Variants in TENM1 observed in about 807,000 individuals in gnomAD.
TENM1 encodes the protein teneurin-1.
Under a neutral mutation model 174.8 loss-of-function variants are expected in TENM1, and 35 were observed. The observed-to-expected ratio is 0.20, with a 90% CI of 0.15 to 0.27. The LOEUF (loss-of-function observed/expected upper bound fraction) is 0.27. Among genes scored for constraint, TENM1 ranks in the 10% least tolerant of loss-of-function variants. The pLI is 1.00. For missense variants in TENM1, 1,633 were observed against 2,130.1 expected (o/e 0.77, Z 4.59); for synonymous variants, 781 against 798.7 (o/e 0.98, Z 0.37).
At chrX:124,751,651 C>T (rs1403818958) in intron 3 of TENM1, among the ~76,000 whole-genome samples, 1 of 75,908 alleles carries the variant, frequency 1.3e-5, no homozygotes, top group East Asian at 5.4e-4. Context: ...CTCCCCCCAC[C>T]CCACAACAGT....
At chrX:124,736,415 A>G (rs1307093920) in intron 4 of TENM1, among the ~76,000 whole-genome samples, 2 of 111,458 alleles carry the variant, frequency 1.8e-5, no homozygotes, top group African/African-American at 6.5e-5. Context: ...TCAAAAGACC[A>G]AAAGCTTCAC....
chrX:125,138,147 C>A, the TENM1 span, among the ~76,000 whole-genome samples: 1 of 111,441 alleles, frequency 9.0e-6, no homozygotes, highest in Non-Finnish European at 1.9e-5. Flanking sequence ...TTAATAAACA[C>A]CTCCAGGACA....
chrX:124,948,292 CT>C (rs1349941408), intron 1 of TENM1, among the ~76,000 whole-genome samples: 1 of 111,624 alleles, frequency 9.0e-6, no homozygotes, highest in Non-Finnish European at 1.9e-5. Context: ...TTCACTAAAA[CT>C]CCATTTATGG....
intron 20 of TENM1, among the ~76,000 whole-genome samples, chrX:124,492,149 A>G (rs1305084469): frequency 2.7e-5 from 3 of 112,015 alleles, no homozygotes; most frequent in African/African-American, 9.7e-5. Context: ...TCTGTTGACA[A>G]TATTGCTTCT....
At chrX:124,809,738 A>T (rs758676349) in intron 3 of TENM1, among the ~76,000 whole-genome samples, 1 of 108,457 alleles carries the variant, frequency 9.2e-6, no homozygotes, top group Non-Finnish European at 1.9e-5. Flanking sequence ...AAAGAGGCTT[A>T]GAGGCTTAAT....
the TENM1 span, among the ~76,000 whole-genome samples, chrX:125,148,295 T>C: frequency 7.2e-5 from 8 of 110,967 alleles, no homozygotes; most frequent in African/African-American, 2.6e-4. Flanking sequence ...TCTCCCTTTC[T>C]TAATTTATCT....
the TENM1 span, among the ~76,000 whole-genome samples, chrX:124,993,163 G>A: frequency 2.7e-5 from 3 of 110,919 alleles, no homozygotes; most frequent in Admixed American, 9.6e-5. Context: ...AATAAATCAT[G>A]GAAATGTCAA....
chrX:124,747,181 A>T, intron 3 of TENM1, among the ~76,000 whole-genome samples: 1 of 104,700 alleles, frequency 9.6e-6, no homozygotes, highest in South Asian at 4.1e-4. Flanking sequence ...ATAAATAAAT[A>T]AAATTAAAAA....
At chrX:124,438,601 T>G (rs2147799347) in intron 23 of TENM1, among the ~76,000 whole-genome samples, 1 of 112,219 alleles carries the variant, frequency 8.9e-6, no homozygotes, top group Admixed American at 9.5e-5. Context: ...GAGGGAGTTT[T>G]ATTTATGTGA....
At chrX:124,735,679 T>C (rs1308912949) in intron 4 of TENM1, among the ~76,000 whole-genome samples, 1 of 111,687 alleles carries the variant, frequency 9.0e-6, no homozygotes, top group Non-Finnish European at 1.9e-5. Flanking sequence ...AATCATGGAA[T>C]CAACCTAAGT....
At chrX:125,151,242 C>A in the TENM1 span, among the ~76,000 whole-genome samples, 2 of 112,245 alleles carry the variant, frequency 1.8e-5, no homozygotes, top group Admixed American at 9.4e-5. Context: ...GAAATACTCC[C>A]AAATATTAAA....
chrX:124,576,014 T>C (rs938141200), intron 11 of TENM1, among the ~76,000 whole-genome samples: 1 of 111,825 alleles, frequency 8.9e-6, no homozygotes, highest in Non-Finnish European at 1.9e-5. Flanking sequence ...ATTTGACCCA[T>C]TAGGTACCAG....
chrX:125,079,936 A>G, the TENM1 span, among the ~76,000 whole-genome samples: 1 of 111,201 alleles, frequency 9.0e-6, no homozygotes, highest in Admixed American at 9.6e-5. Flanking sequence ...AATGTAAGAG[A>G]ACCACTGGAG....
At chrX:124,711,852 T>C (rs2053058353) in intron 4 of TENM1, among the ~76,000 whole-genome samples, 1 of 111,682 alleles carries the variant, frequency 9.0e-6, no homozygotes, top group South Asian at 3.8e-4. Flanking sequence ...CATTAAACAA[T>C]TGTTCTTTCC....
At chrX:124,645,443 T>C (rs778202880) in intron 9 of TENM1, 106 bp from the exon 13 acceptor site, 104 of 753,736 alleles carry the variant, frequency 1.4e-4, no homozygotes, top group Non-Finnish European at 1.9e-4. Flanking sequence ...TTGTACTATT[T>C]CTGTCTTACC....
At chrX:124,909,245 A>G (rs1354406591) in intron 1 of TENM1, among the ~76,000 whole-genome samples, 3 of 112,475 alleles carry the variant, frequency 2.7e-5, no homozygotes, top group Non-Finnish European at 5.6e-5. Context: ...CCAACTGGCA[A>G]TGCTAACTTG....
At chrX:124,993,504 T>C in the TENM1 span, among the ~76,000 whole-genome samples, 2 of 110,437 alleles carry the variant, frequency 1.8e-5, no homozygotes, top group African/African-American at 3.3e-5. Flanking sequence ...TCAAACCCTA[T>C]ATGTACTGAG....
chrX:124,544,517 A>T, intron 15 of TENM1, among the ~76,000 whole-genome samples: 1 of 112,596 alleles, frequency 8.9e-6, no homozygotes, highest in East Asian at 2.8e-4. Flanking sequence ...GACAATTTAC[A>T]TGTATCAAAA....
chrX:124,682,104 CCTTGA>C (rs1448224391), intron 5 of TENM1, among the ~76,000 whole-genome samples: 1 of 111,485 alleles, frequency 9.0e-6, no homozygotes, highest in African/African-American at 3.3e-5. Context: ...GATTCCAAAT[CCTTGA>C]CTTAATATAC....
Sources: allele counts gnomAD v4.1 joint callset (sites outside exome capture counted in the v4.1 genomes callset), GRCh38; gene constraint gnomAD v4.1.1; transcripts MANE v1.5; gene names NCBI Gene and HGNC (gene_info 2026-07-23, HGNC 2026-07-21).